Variants in CDH13 observed in about 807,000 individuals in gnomAD.
CDH13 encodes the protein cadherin 13.
A neutral mutation model predicts 63.8 loss-of-function variants in CDH13; 24 were observed. That is an observed-to-expected ratio of 0.38 (90% CI 0.27 to 0.53). The LOEUF is 0.53. CDH13 is among the 20% of genes least tolerant of loss of function. CDH13 has a pLI of 0.85. For missense variants in CDH13, 1,049 were observed against 903.1 expected, an observed-to-expected ratio of 1.16 and a Z score of -2.07; for synonymous variants, 503 against 355.3, an observed-to-expected ratio of 1.42 and a Z score of -4.67.
intron 8 of CDH13, among the ~76,000 whole-genome samples, chr16:83,614,809 T>A (rs1466868576): frequency 6.6e-6 from 1 of 152,168 alleles, no homozygotes; most frequent in Non-Finnish European, 1.5e-5. Flanking sequence ...AATATTTTCA[T>A]TTAAAATGTG....
At chr16:83,130,254 A>G (rs533788605) in intron 4 of CDH13, among the ~76,000 whole-genome samples, 32 of 152,322 alleles carry the variant, frequency 2.1e-4, no homozygotes, top group African/African-American at 7.5e-4. Flanking sequence ...ATTTTCCAGC[A>G]TGCCAATGAA....
Position 83,085,179 on chromosome 16 carries a change from G to A in CDH13, c.367-40206G>A, listed in dbSNP as rs568129890. On this transcript the variant is annotated intron_variant, in intron 3 of 13. Coordinates refer to ENST00000567109, the MANE Select transcript of CDH13 (RefSeq NM_001257.5). ...CTGGGGAGGCCCTAGAATCATGACA[G>A]GGGGCAAAAGGCACTTCTTTCTTGG... Among the ~76,000 whole-genome samples the A allele has an allele frequency of 1.1e-4, 16 of 152,092 alleles. No homozygotes were observed. In the East Asian group the frequency reaches 3.1e-3, roughly 30 times the overall value.
At chr16:83,736,997 G>C (rs1187608327) in intron 10 of CDH13, among the ~76,000 whole-genome samples, 6 of 152,164 alleles carry the variant, frequency 3.9e-5, no homozygotes, top group East Asian at 1.9e-4. Context: ...GCCAGGGAAG[G>C]CTCGGTGCAC....
intron 4 of CDH13, 117 bp from the exon 5 acceptor site, chr16:83,217,228 C>T (rs1313705841): frequency 3.2e-6 from 3 of 935,614 alleles, no homozygotes; most frequent in Admixed American, 3.9e-5. Context: ...TCTGTGTTCA[C>T]CAGGTACCCA....
rs536814040 is a variant in CDH13 at position 83,283,944 on chromosome 16, A to G, written c.637-60918A>G. Among the ~76,000 whole-genome samples the G allele has an allele frequency of 1.3e-5, 2 of 152,300 alleles. 1 individual carries two copies. The highest frequency in any genetic ancestry group is 4.1e-4 in the South Asian group (2 of 4,824). The stretch of plus-strand genomic sequence containing the variant: ...TGTGTTTCAGCATTTGACACATAGC[A>G]AGTTCTCAAAAACTGTTGAATAAAT... On this transcript the variant is annotated intron_variant, in intron 5 of 13. Coordinates refer to ENST00000567109, the MANE Select transcript of CDH13 (RefSeq NM_001257.5).
At chr16:82,904,540 A>T (rs757000930) in intron 2 of CDH13, among the ~76,000 whole-genome samples, 2 of 152,188 alleles carry the variant, frequency 1.3e-5, no homozygotes, top group African/African-American at 2.4e-5. Flanking sequence ...TGTTTCTGCC[A>T]TTACTTTTGC....
intron 5 of CDH13, among the ~76,000 whole-genome samples, chr16:83,315,345 A>G (rs77773938): frequency 1.3e-5 from 2 of 152,218 alleles, no homozygotes; most frequent in Non-Finnish European, 1.5e-5. Flanking sequence ...CTCTGATGTC[A>G]TATCTAGCTT....
At chr16:83,662,058 C>T (rs1450845243) in intron 8 of CDH13, among the ~76,000 whole-genome samples, 2 of 152,164 alleles carry the variant, frequency 1.3e-5, no homozygotes, top group African/African-American at 2.4e-5. Context: ...GGCAGGACAT[C>T]AGTGAGGGGG....
chr16:83,200,579 A>C (rs973820441), intron 4 of CDH13, among the ~76,000 whole-genome samples: 1 of 152,134 alleles, frequency 6.6e-6, no homozygotes, highest in Non-Finnish European at 1.5e-5. Flanking sequence ...ACATGATCTC[A>C]TTAGGAGTCA....
chr16:83,209,836 G>A (rs1304504620), intron 4 of CDH13, among the ~76,000 whole-genome samples: 1 of 152,068 alleles, frequency 6.6e-6, no homozygotes, highest in African/African-American at 2.4e-5. Flanking sequence ...AGGGTCAGGG[G>A]AAGGTTCAGT....
chr16:82,822,966 C>T (rs556121572), intron 1 of CDH13, among the ~76,000 whole-genome samples: 1 of 152,140 alleles, frequency 6.6e-6, no homozygotes, highest in African/African-American at 2.4e-5. Flanking sequence ...CGCTCATAGA[C>T]CTGGGTGTGG....
chr16:83,560,830 T>G (rs1035941762), intron 7 of CDH13, among the ~76,000 whole-genome samples: 1 of 152,100 alleles, frequency 6.6e-6, no homozygotes, highest in Non-Finnish European at 1.5e-5. Flanking sequence ...TGGTTCCCCT[T>G]TGGGGTATGC....
chr16:83,400,358 G>A (rs984963641), intron 6 of CDH13, among the ~76,000 whole-genome samples: 2 of 152,140 alleles, frequency 1.3e-5, no homozygotes, highest in African/African-American at 4.8e-5. Flanking sequence ...TTCTCAGGCA[G>A]GCTTCTCAGC....
chr16:83,752,586 G>T (rs1013276112), intron 11 of CDH13, among the ~76,000 whole-genome samples: 2 of 152,194 alleles, frequency 1.3e-5, no homozygotes, highest in South Asian at 4.1e-4. Flanking sequence ...TTACAATGTA[G>T]TCAGGACCTA....
chr16:83,418,790 G>A (rs910007808), intron 6 of CDH13, among the ~76,000 whole-genome samples: 1 of 152,146 alleles, frequency 6.6e-6, no homozygotes, highest in Non-Finnish European at 1.5e-5. Flanking sequence ...GGAAAGACAG[G>A]AGAAGACCTA....
At chr16:82,629,521 C>G (rs1273257151) in intron 1 of CDH13, among the ~76,000 whole-genome samples, 7 of 152,186 alleles carry the variant, frequency 4.6e-5, no homozygotes, top group Non-Finnish European at 1.5e-5. Context: ...AAAAACACAA[C>G]TTTCCTGAGG....
intron 8 of CDH13, among the ~76,000 whole-genome samples, chr16:83,634,486 C>T (rs1359344015): frequency 2.6e-5 from 4 of 151,848 alleles, no homozygotes; most frequent in Non-Finnish European, 4.4e-5. Context: ...TTGCGACCTC[C>T]GCCTCCCAGG....
intron 2 of CDH13, among the ~76,000 whole-genome samples, chr16:82,960,940 G>C (rs959639184): frequency 6.6e-6 from 1 of 152,118 alleles, no homozygotes; most frequent in Non-Finnish European, 1.5e-5. Context: ...GGGTAAAAAG[G>C]GTAATACAAA....
intron 7 of CDH13, among the ~76,000 whole-genome samples, chr16:83,570,946 C>CAT (rs57586630): frequency 0.099 from 10,828 of 109,866 alleles, 673 homozygotes; most frequent in South Asian, 0.2. Context: ...ATAACTCATC[C>CAT]ATATATATAT....
Sources: gnomAD v4.1 joint callset for allele counts (sites outside exome capture counted in the v4.1 genomes callset) on GRCh38, gnomAD v4.1.1 for gene constraint, MANE v1.5 for transcripts, NCBI Gene and HGNC (gene_info 2026-07-23, HGNC 2026-07-21) for gene names.